TRPC5: variants seen among roughly 807,000 people sequenced by gnomAD.
TRPC5 encodes the protein transient receptor potential cation channel subfamily C member 5, also known as short transient receptor potential channel 5.
In TRPC5, 9 loss-of-function variants were observed where a neutral mutation model predicts 56.5. That is an observed-to-expected ratio of 0.16 (90% CI 0.10 to 0.28). The LOEUF (loss-of-function observed/expected upper bound fraction) is 0.28, where lower values mean the gene tolerates loss of function less well. Ranked by LOEUF, TRPC5 falls within the 10% of genes least tolerant of loss-of-function variation. The probability of loss-of-function intolerance (pLI) is 1.00; values close to 1 mark genes in which losing one functional copy is unlikely to be tolerated. For missense variants in TRPC5, 469 were observed against 748.9 expected (o/e 0.63, Z 4.36); for synonymous variants, 282 against 278.5 (o/e 1.01, Z -0.13).
intron 1 of TRPC5, among the ~76,000 whole-genome samples, chrX:112,017,685 C>T (rs1929165291): frequency 9.0e-6 from 1 of 111,514 alleles, no homozygotes; most frequent in East Asian, 2.8e-4. Flanking sequence ...CCCATCCACA[C>T]ACCAGCAGCG....
At chrX:112,077,659 C>T (rs748140753) in intron 1 of TRPC5, among the ~76,000 whole-genome samples, 19 of 111,790 alleles carry the variant, frequency 1.7e-4, no homozygotes, top group Non-Finnish European at 2.4e-4. Context: ...GATATTCTCA[C>T]TCAAATGTGG....
intron 6 of TRPC5, among the ~76,000 whole-genome samples, chrX:111,846,449 T>A (rs1343348276): frequency 8.9e-6 from 1 of 112,037 alleles, no homozygotes; most frequent in Non-Finnish European, 1.9e-5. Flanking sequence ...AAAGTAGGTC[T>A]TGACAGTACT....
chrX:111,978,666 T>C (rs1927994905), intron 1 of TRPC5, among the ~76,000 whole-genome samples: 1 of 111,073 alleles, frequency 9.0e-6, no homozygotes, highest in African/African-American at 3.3e-5. Context: ...GGAGTTATAA[T>C]ATACAACATG....
intron 1 of TRPC5, among the ~76,000 whole-genome samples, chrX:111,958,313 G>A (rs1457551372): frequency 9.0e-6 from 1 of 111,125 alleles, no homozygotes; most frequent in Non-Finnish European, 1.9e-5. Flanking sequence ...TTTTTTCAAG[G>A]TAAGTTCTTC....
At chrX:112,059,595 A>G (rs747344242) in intron 1 of TRPC5, among the ~76,000 whole-genome samples, 4 of 112,046 alleles carry the variant, frequency 3.6e-5, no homozygotes, top group Non-Finnish European at 7.5e-5. Context: ...TGTAGAAAGG[A>G]GAGGCCAACA....
intron 6 of TRPC5, among the ~76,000 whole-genome samples, chrX:111,841,880 T>G: frequency 9.3e-6 from 1 of 107,713 alleles, no homozygotes; most frequent in Non-Finnish European, 1.9e-5. Flanking sequence ...CTGGCTAATT[T>G]TTGTATTTTT....
Position 111,775,103 on chromosome X carries a change from A to G in TRPC5, c.*1210T>C, listed in dbSNP as rs1040976598. On this transcript the variant is annotated 3_prime_UTR_variant, in exon 11 of 11. Transcript: ENST00000262839. ...AGAATTTGTTTGGATGTATAAATGT[A>G]GCTTTCTTGGAAGACAGTAGAATTT... The G allele has an allele frequency of 8.9e-6, 1 of 111,853 alleles. No homozygotes were observed. The highest frequency in any genetic ancestry group is 1.9e-5 in the Non-Finnish European group (1 of 53,166). The allele number at this position is 111,853 out of a possible 1,213,427, so 9.2% of individuals were successfully genotyped here.
At chrX:111,847,881 A>G (rs1304374165) in intron 5 of TRPC5, among the ~76,000 whole-genome samples, 1 of 110,822 alleles carries the variant, frequency 9.0e-6, no homozygotes, top group Non-Finnish European at 1.9e-5. Context: ...TCTGAGCACC[A>G]TGGACAACGT....
In TRPC5 at chrX:111,770,823, C is replaced by T. The variant is rs190282910; in HGVS notation, c.*5490G>A. 6.3e-5 allele frequency among the ~76,000 whole-genome samples: 7 copies of T among 111,631 alleles called. No homozygotes were observed. Among genetic ancestry groups the T allele is most frequent in the African/African-American group, 2.3e-4 (7 of 30,688 alleles). On this transcript the variant is annotated 3_prime_UTR_variant, in exon 11 of 11. Coordinates refer to ENST00000262839, the MANE Select transcript of TRPC5 (RefSeq NM_012471.3). The stretch of plus-strand genomic sequence containing the variant: ...TATATTGAACTTCTGGGAAAAGATA[C>T]AAAATGGCCAATCCCAGCTTAATTG...
chrX:112,060,730 G>T (rs995131351), intron 1 of TRPC5, among the ~76,000 whole-genome samples: 1 of 111,694 alleles, frequency 9.0e-6, no homozygotes, highest in African/African-American at 3.3e-5. Context: ...GCTAACTGCA[G>T]TTTGTTGTTT....
intron 7 of TRPC5, among the ~76,000 whole-genome samples, chrX:111,805,269 A>C (rs921364440): frequency 9.0e-6 from 1 of 111,486 alleles, no homozygotes; most frequent in Non-Finnish European, 1.9e-5. Flanking sequence ...TTTATTGAGG[A>C]TTTTTGCATC....
chrX:112,024,509 A>G (rs1929365613), intron 1 of TRPC5, among the ~76,000 whole-genome samples: 1 of 111,593 alleles, frequency 9.0e-6, no homozygotes, highest in Non-Finnish European at 1.9e-5. Flanking sequence ...AACTTGTACA[A>G]TCAGCTCTCT....
chrX:111,781,406 G>A (rs1945919046), intron 8 of TRPC5, among the ~76,000 whole-genome samples, 200 bp from the exon 9 acceptor site: 1 of 111,994 alleles, frequency 8.9e-6, no homozygotes, highest in African/African-American at 3.2e-5. Context: ...AAGGAGGGAC[G>A]GGAGGAAACA....
At chrX:112,061,875 T>G (rs1026936017) in intron 1 of TRPC5, among the ~76,000 whole-genome samples, 2 of 112,053 alleles carry the variant, frequency 1.8e-5, no homozygotes, top group African/African-American at 6.5e-5. Flanking sequence ...AACCGTAAAG[T>G]GAACTTATAA....
intron 1 of TRPC5, among the ~76,000 whole-genome samples, chrX:112,007,573 T>G (rs1603142723): frequency 1.8e-5 from 2 of 111,890 alleles, no homozygotes; most frequent in South Asian, 7.5e-4. Context: ...TAAGGGTTTG[T>G]GCAGATCCTG....
At chrX:111,920,601 A>G (rs762142974) in intron 2 of TRPC5, among the ~76,000 whole-genome samples, 4 of 108,786 alleles carry the variant, frequency 3.7e-5, no homozygotes, top group South Asian at 4.0e-4. Context: ...CTATTCTTTG[A>G]AAAAAAAAAT....
chrX:111,963,332 G>C (rs1048235323), intron 1 of TRPC5, among the ~76,000 whole-genome samples: 1 of 112,412 alleles, frequency 8.9e-6, no homozygotes, highest in Non-Finnish European at 1.9e-5. Context: ...CGGGAAGCTC[G>C]AACTGGGTGG....
intron 2 of TRPC5, among the ~76,000 whole-genome samples, chrX:111,922,858 A>T (rs1302983596): frequency 1.8e-5 from 2 of 112,228 alleles, no homozygotes; most frequent in East Asian, 2.8e-4. Context: ...AACAATAGCC[A>T]GGATTAGCCT....
intron 7 of TRPC5, among the ~76,000 whole-genome samples, chrX:111,791,506 G>A (rs1264009237): frequency 8.9e-6 from 1 of 112,248 alleles, no homozygotes; most frequent in African/African-American, 3.2e-5. Context: ...AATGAAAGGG[G>A]CAGCCATTAA....
Sources: gnomAD v4.1 joint callset for allele counts (sites outside exome capture counted in the v4.1 genomes callset) on GRCh38, gnomAD v4.1.1 for gene constraint, MANE v1.5 for transcripts, NCBI Gene and HGNC (gene_info 2026-07-23, HGNC 2026-07-21) for gene names.